DHRSX: variants seen among roughly 807,000 people sequenced by gnomAD.
DHRSX encodes the protein dehydrogenase/reductase X-linked.
DHRSX carries 31 observed loss-of-function variants against 34.0 expected under a neutral mutation model. The observed-to-expected ratio is 0.91, with a 90% confidence interval of 0.69 to 1.23. The LOEUF (loss-of-function observed/expected upper bound fraction) is 1.23, where lower values mean the gene tolerates loss of function less well. Ranked by LOEUF, DHRSX falls within the 50% of genes most tolerant of loss-of-function variation. The pLI, the probability that DHRSX is intolerant of heterozygous loss-of-function variation, is 0.00. For synonymous variants in DHRSX, 201 were observed against 183.8 expected, an observed-to-expected ratio of 1.09 and a Z score of -0.76; for missense variants, 414 against 428.1, an observed-to-expected ratio of 0.97 and a Z score of 0.29.
intron 4 of DHRSX, among the ~76,000 whole-genome samples, chrX:2,284,119 T>C (rs1262744620): frequency 2.0e-5 from 3 of 152,242 alleles, no homozygotes; most frequent in Non-Finnish European, 4.4e-5. Flanking sequence ...CTTGAATTCA[T>C]TCAGATTCAC....
chrX:2,477,641 T>G (rs2044700862), intron 1 of DHRSX, among the ~76,000 whole-genome samples: 1 of 150,904 alleles, frequency 6.6e-6, no homozygotes, highest in South Asian at 2.1e-4. Flanking sequence ...AGGTCAGGAG[T>G]TCGAGACCAA....
intron 3 of DHRSX, among the ~76,000 whole-genome samples, chrX:2,379,614 T>G (rs1008176370): frequency 1.3e-3 from 189 of 150,572 alleles, no homozygotes; most frequent in African/African-American, 4.5e-3. Flanking sequence ...TTTTTTTTTT[T>G]TTTTTAATGA....
intron 3 of DHRSX, among the ~76,000 whole-genome samples, chrX:2,358,152 T>TC (rs2042880647): frequency 6.6e-6 from 1 of 152,142 alleles, no homozygotes; most frequent in Admixed American, 6.6e-5. Context: ...ACACTTGGTT[T>TC]AAAGTTACGA....
At chrX:2,323,980 C>A (rs1171816427) in intron 3 of DHRSX, among the ~76,000 whole-genome samples, 2 of 150,848 alleles carry the variant, frequency 1.3e-5, no homozygotes, top group African/African-American at 2.4e-5. Flanking sequence ...TCACCTGAGC[C>A]TCGGAAGTTG....
At chrX:2,469,680 A>G (rs759289876) in intron 1 of DHRSX, among the ~76,000 whole-genome samples, 1 of 152,154 alleles carries the variant, frequency 6.6e-6, no homozygotes, top group East Asian at 1.9e-4. Flanking sequence ...GACATTCACT[A>G]AGAATATGAC....
chrX:2,298,317 G>GTTTTT lies in DHRSX; in HGVS notation c.287-6719_287-6715dup, dbSNP rs529844889. 2.0e-3 allele frequency among the ~76,000 whole-genome samples: 246 copies of GTTTTT among 123,680 alleles called. 2 individuals carry two copies. The highest frequency in any genetic ancestry group is 8.5e-3 in the Middle Eastern group (2 of 236). 81.1% of individuals were successfully genotyped at this position (123,680 alleles called of 152,430 possible). A position where few individuals can be genotyped will look rare whatever the true frequency, so the allele number is the denominator to read the frequency against. Reference sequence around the variant, plus strand: ...ATTGTGCAAGTTCCCCAGTTTTGGTGTTTTTTTTTTTTTTGTTAGTTCAAT... The same window carrying GTTTTT: ...ATTGTGCAAGTTCCCCAGTTTTGGTGTTTTTTTTTTTTTTTTTTTGTTAGTTCAAT... On this transcript the variant is annotated intron_variant, in intron 3 of 6. Coordinates refer to ENST00000334651, the MANE Select transcript of DHRSX (RefSeq NM_145177.3).
chrX:2,226,567 G>A (rs778928528), intron 6 of DHRSX, among the ~76,000 whole-genome samples: 64 of 152,186 alleles, frequency 4.2e-4, no homozygotes, highest in African/African-American at 1.4e-3. Context: ...TTGGGAGGCC[G>A]AGGCAGGCGG....
chrX:2,489,179 C>T (rs749425836), intron 1 of DHRSX: 100 of 1,613,502 alleles, frequency 6.2e-5, no homozygotes, highest in South Asian at 1.4e-4. Flanking sequence ...CTCAGCCGGC[C>T]GGTAGCCGCC....
intron 1 of DHRSX, among the ~76,000 whole-genome samples, chrX:2,484,085 C>G (rs1239912750): frequency 1.3e-5 from 2 of 152,196 alleles, no homozygotes; most frequent in East Asian, 3.9e-4. Context: ...ACGCGATTCT[C>G]CTGCCTCAGC....
At chrX:2,497,482 G>C (rs1446451544) in intron 1 of DHRSX, among the ~76,000 whole-genome samples, 2 of 151,968 alleles carry the variant, frequency 1.3e-5, no homozygotes, top group Admixed American at 6.6e-5. Flanking sequence ...AAACCAACAA[G>C]AATTAACTTT....
chrX:2,240,130 T>TA (rs2016107098), intron 6 of DHRSX, among the ~76,000 whole-genome samples: 1 of 151,736 alleles, frequency 6.6e-6, no homozygotes, highest in African/African-American at 2.4e-5. Context: ...CCGTCCCTAC[T>TA]AAAAACACAA....
intron 3 of DHRSX, among the ~76,000 whole-genome samples, chrX:2,363,163 A>G (rs1170091068): frequency 8.1e-6 from 1 of 122,968 alleles, no homozygotes; most frequent in African/African-American, 3.0e-5. Context: ...GTTCTATGGT[A>G]TCATGCCGCC....
At chrX:2,365,753 G>A (rs1458029779) in intron 3 of DHRSX, among the ~76,000 whole-genome samples, 1 of 152,086 alleles carries the variant, frequency 6.6e-6, no homozygotes, top group Admixed American at 6.6e-5. Flanking sequence ...CCTTTGGTGA[G>A]CCTTGGGTGG....
intron 2 of DHRSX, among the ~76,000 whole-genome samples, chrX:2,412,677 C>T (rs1350127686): frequency 6.6e-6 from 1 of 152,036 alleles, no homozygotes; most frequent in Non-Finnish European, 1.5e-5. Context: ...AGATATGAAA[C>T]CAACCTAAGT....
chrX:2,233,219 G>C (rs2015938498), intron 6 of DHRSX, among the ~76,000 whole-genome samples: 1 of 152,300 alleles, frequency 6.6e-6, no homozygotes, highest in Admixed American at 6.5e-5. Context: ...GTGGCTGACA[G>C]ACGCTGTCTT....
intron 3 of DHRSX, among the ~76,000 whole-genome samples, chrX:2,294,664 C>CAAA (rs780753194): frequency 4.3e-4 from 55 of 129,158 alleles, no homozygotes; most frequent in South Asian, 2.7e-3. Context: ...GACTCTGTCT[C>CAAA]AAAAAAAAAA....
intron 3 of DHRSX, among the ~76,000 whole-genome samples, chrX:2,311,344 C>T (rs186819909): frequency 6.6e-6 from 1 of 152,048 alleles, no homozygotes; most frequent in South Asian, 2.1e-4. Flanking sequence ...ACTACGATGG[C>T]CCTCCTCTCC....
At chrX:2,411,233 G>C (rs761930714) in intron 2 of DHRSX, among the ~76,000 whole-genome samples, 1 of 152,008 alleles carries the variant, frequency 6.6e-6, no homozygotes, top group Non-Finnish European at 1.5e-5. Context: ...CTGCTCTGCC[G>C]TATCAGCCAT....
chrX:2,294,539 C>A (rs1369160200), intron 3 of DHRSX, among the ~76,000 whole-genome samples: 3 of 151,894 alleles, frequency 2.0e-5, no homozygotes, highest in Non-Finnish European at 4.4e-5. Context: ...GTGGTGCACG[C>A]CTGTAATCCC....
Sources: allele counts gnomAD v4.1 joint callset (sites outside exome capture counted in the v4.1 genomes callset), GRCh38; gene constraint gnomAD v4.1.1; transcripts MANE v1.5; gene names NCBI Gene and HGNC (gene_info 2026-07-23, HGNC 2026-07-21).